Variants in SERPINE2 observed in about 807,000 individuals in gnomAD.
SERPINE2 encodes glia-derived nexin.
In SERPINE2, 14 loss-of-function variants were observed where a neutral mutation model predicts 36.3. The observed-to-expected ratio is 0.39, with a 90% confidence interval of 0.25 to 0.60. The LOEUF is 0.60. Among genes scored for constraint, SERPINE2 ranks in the 20% least tolerant of loss-of-function variants. The pLI is 0.57. For missense variants in SERPINE2, 418 were observed against 499.6 expected, an observed-to-expected ratio of 0.84 and a Z score of 1.56; for synonymous variants, 192 against 191.8, an observed-to-expected ratio of 1.00 and a Z score of -0.01.
chr2:223,976,098 T>A (rs1230582333), intron 8 of SERPINE2, among the ~76,000 whole-genome samples, 194 bp from the exon 9 acceptor site: 1 of 152,230 alleles, frequency 6.6e-6, no homozygotes, highest in Non-Finnish European at 1.5e-5. Context: ...TAGTCACATG[T>A]GGCCAGAGAG....
intron 3 of SERPINE2, among the ~76,000 whole-genome samples, chr2:223,997,272 G>A (rs1690927216): frequency 2.0e-5 from 3 of 152,254 alleles, no homozygotes; most frequent in Non-Finnish European, 2.9e-5. Flanking sequence ...CCAGGCTGGA[G>A]TGCAGGGTTG....
At chr2:223,992,323 G>A (rs946291030) in intron 3 of SERPINE2, among the ~76,000 whole-genome samples, 2 of 142,426 alleles carry the variant, frequency 1.4e-5, no homozygotes, top group Non-Finnish European at 3.0e-5. Context: ...ATCCAAATAA[G>A]CTACATTTGA....
chr2:224,001,857 A>G lies in SERPINE2; in HGVS notation c.44T>C (p.Leu15Pro), dbSNP rs757420721. The stretch of plus-strand genomic sequence containing the variant: ...ATTGAAGTGGGAGCAGATGGAAGGC[A>G]GCGTCACAGAGGCCAAGAGGAAGAG... The part of the protein sequence containing the change: ...LPLFLLASVT[L>P]PSICSHFNPL... Residue 15 changes from leucine to proline, a missense_variant, in exon 2 of 9, where the codon CTG becomes CCG. Transcript: ENST00000409304. 2.5e-5 allele frequency: 41 copies of G among 1,614,168 alleles called. No individual in the cohort carries two copies. Among genetic ancestry groups the G allele is most frequent in the Non-Finnish European group, 3.3e-5 (39 of 1,179,998 alleles).
At chr2:224,034,771 AC>A (rs1247498675) in intron 1 of SERPINE2, among the ~76,000 whole-genome samples, 2 of 151,988 alleles carry the variant, frequency 1.3e-5, no homozygotes, top group Non-Finnish European at 2.9e-5. Flanking sequence ...TATAGAATCG[AC>A]CCTGCCCTAT....
rs1490653789 is a variant in SERPINE2 at position 224,019,765 on chromosome 2, T to A, written c.-22-17843A>T. 4.4e-3 allele frequency among the ~76,000 whole-genome samples: 612 copies of A among 137,660 alleles called. 5 individuals carry two copies. The highest frequency in any genetic ancestry group is 0.023 in the East Asian group (112 of 4,824). 90.3% of individuals were successfully genotyped at this position (137,660 alleles called of 152,430 possible). A position where few individuals can be genotyped will look rare whatever the true frequency, so the allele number is the denominator to read the frequency against. Reference sequence around the variant, plus strand: ...TTGAGGAAGTCTTTTTTTTTTTTTTTAAAAAAAAAAAAAGAATGTACACAT... The same window carrying A: ...TTGAGGAAGTCTTTTTTTTTTTTTTAAAAAAAAAAAAAAGAATGTACACAT... On this transcript the variant is annotated intron_variant, in intron 1 of 8. Transcript: ENST00000409304.
intron 2 of SERPINE2, among the ~76,000 whole-genome samples, chr2:223,999,502 G>A (rs1366595283): frequency 6.6e-6 from 1 of 152,140 alleles, no homozygotes; most frequent in Non-Finnish European, 1.5e-5. Flanking sequence ...AGTCTTCTCA[G>A]GGCCCACAAA....
At chr2:223,985,833 T>C (rs16865401) in intron 4 of SERPINE2, among the ~76,000 whole-genome samples, 3,938 of 152,316 alleles carry the variant, frequency 0.026, 276 homozygotes, top group East Asian at 0.18. Flanking sequence ...ACTGGAGTTT[T>C]AGATACTTTA....
At chr2:223,999,843 G>A (rs1045893532) in intron 2 of SERPINE2, among the ~76,000 whole-genome samples, 2 of 152,198 alleles carry the variant, frequency 1.3e-5, no homozygotes, top group Admixed American at 6.5e-5. Context: ...CACTAGGAAA[G>A]GTCATAAATT....
intron 4 of SERPINE2, among the ~76,000 whole-genome samples, chr2:223,989,899 A>G (rs1446448595): frequency 1.3e-5 from 2 of 152,194 alleles, no homozygotes; most frequent in Admixed American, 1.3e-4. Context: ...CCAGTTGTAA[A>G]GCATAGACAG....
At chr2:223,985,271 A>T (rs1032088165) in intron 4 of SERPINE2, among the ~76,000 whole-genome samples, 3 of 151,142 alleles carry the variant, frequency 2.0e-5, no homozygotes. Context: ...TGAATAAAAG[A>T]ATACATTCAA....
intron 1 of SERPINE2, among the ~76,000 whole-genome samples, chr2:224,016,004 T>C (rs1376074227): frequency 6.6e-6 from 1 of 152,200 alleles, no homozygotes; most frequent in Admixed American, 6.5e-5. Context: ...GATGTATAAA[T>C]GGTAAATACG....
At chr2:223,990,793 C>T (rs962659444) in intron 4 of SERPINE2, among the ~76,000 whole-genome samples, 8 of 152,026 alleles carry the variant, frequency 5.3e-5, no homozygotes, top group African/African-American at 1.9e-4. Flanking sequence ...GCCTGGGCAA[C>T]GTGGCAAAAC....
chr2:224,020,266 T>C (rs1027367274), intron 1 of SERPINE2, among the ~76,000 whole-genome samples: 2 of 152,216 alleles, frequency 1.3e-5, no homozygotes, highest in Non-Finnish European at 2.9e-5. Flanking sequence ...AGGTGACGTC[T>C]GAAGTGAAAT....
rs140546050 is a variant in SERPINE2, at chr2:224,034,634, C to T, written c.-23+4465G>A. Among the ~76,000 whole-genome samples the T allele has an allele frequency of 4.2e-3, 643 of 152,204 alleles. 5 individuals carry two copies. The highest frequency in any genetic ancestry group is 0.015 in the African/African-American group (616 of 41,514). Reference sequence around the variant, plus strand: ...ACTCTGCCCTAAGGTGTCTAAATGACCTCAGGAACACACTGTATGACTCTG... The same window carrying T: ...ACTCTGCCCTAAGGTGTCTAAATGATCTCAGGAACACACTGTATGACTCTG... On this transcript the variant is annotated intron_variant, in intron 1 of 8. Coordinates refer to ENST00000409304, the MANE Select transcript of SERPINE2 (RefSeq NM_001136528.2).
intron 2 of SERPINE2, among the ~76,000 whole-genome samples, chr2:223,999,720 A>G (rs1017707162): frequency 7.9e-5 from 12 of 152,352 alleles, no homozygotes; most frequent in Middle Eastern, 6.8e-3. Flanking sequence ...ACGGGCCAAT[A>G]TTCTTAGAAC....
At chr2:224,000,487 T>C (rs188409195) in intron 2 of SERPINE2, among the ~76,000 whole-genome samples, 1 of 152,332 alleles carries the variant, frequency 6.6e-6, no homozygotes, top group East Asian at 1.9e-4. Flanking sequence ...AAAACAATTT[T>C]TTTAGCTCGC....
chr2:224,004,724 T>C (rs1028710405), intron 1 of SERPINE2, among the ~76,000 whole-genome samples: 2 of 152,032 alleles, frequency 1.3e-5, no homozygotes, highest in Admixed American at 1.3e-4. Context: ...AAAGTCATCA[T>C]AAGTATAAAA....
At chr2:223,998,449 G>A (rs1690982578) in intron 2 of SERPINE2, 107 bp from the exon 3 acceptor site, 2 of 765,342 alleles carry the variant, frequency 2.6e-6, no homozygotes, top group Admixed American at 4.8e-5. Flanking sequence ...CAGGTGCAGT[G>A]GCTCACACCT....
intron 1 of SERPINE2, among the ~76,000 whole-genome samples, chr2:224,006,972 G>T (rs1361129909): frequency 2.0e-5 from 3 of 152,146 alleles, no homozygotes; most frequent in African/African-American, 7.2e-5. Context: ...CACCTCTCCA[G>T]GCTGTGTGAG....
Sources: gnomAD v4.1 joint callset for allele counts (sites outside exome capture counted in the v4.1 genomes callset) on GRCh38, gnomAD v4.1.1 for gene constraint, MANE v1.5 for transcripts, NCBI Gene and HGNC (gene_info 2026-07-23, HGNC 2026-07-21) for gene names.